CDH8: variants seen among roughly 807,000 people sequenced by gnomAD.
CDH8 encodes the protein cadherin 8.
Under a neutral mutation model 68.1 loss-of-function variants are expected in CDH8, and 17 were observed. That is an observed-to-expected ratio of 0.25 (90% CI 0.17 to 0.37). The LOEUF (loss-of-function observed/expected upper bound fraction) is 0.37, where lower values mean the gene tolerates loss of function less well. Ranked by LOEUF, CDH8 falls within the 10% of genes least tolerant of loss-of-function variation. The pLI is 1.00. For missense variants in CDH8, 763 were observed against 999.3 expected, an observed-to-expected ratio of 0.76 and a Z score of 3.19; for synonymous variants, 372 against 365.1, an observed-to-expected ratio of 1.02 and a Z score of -0.21.
At chr16:61,932,214 AAAAAAAAAG>A (rs1964554816) in intron 2 of CDH8, among the ~76,000 whole-genome samples, 1 of 149,398 alleles carries the variant, frequency 6.7e-6, no homozygotes, top group Non-Finnish European at 1.5e-5. Flanking sequence ...TCTCAAAAAA[AAAAAAAAAG>A]AAAAGAAAAG....
chr16:61,919,509 A>T (rs7206566), intron 2 of CDH8, among the ~76,000 whole-genome samples: 1 of 135,084 alleles, frequency 7.4e-6, no homozygotes, highest in Admixed American at 7.7e-5. Flanking sequence ...CGAGAACTAC[A>T]TGAAGAATGC....
intron 4 of CDH8, among the ~76,000 whole-genome samples, chr16:61,849,390 T>C (rs1299489584): frequency 2.0e-5 from 3 of 152,102 alleles, no homozygotes; most frequent in African/African-American, 7.2e-5. Flanking sequence ...AAACCACTCT[T>C]TGGCTTCCTC....
chr16:61,763,926 T>C (rs721468), intron 8 of CDH8, among the ~76,000 whole-genome samples: 26,299 of 152,112 alleles, frequency 0.17, 2,278 homozygotes, highest in Middle Eastern at 0.26. Context: ...TCATTAATAA[T>C]AGTTAACAAT....
rs567788229 is a variant in CDH8, at chr16:61,830,619, T to C, written c.668-5440A>G. ...AATGGCCAAGCAGCAGTAGTGTCCA[T>C]GTCCCTAGCATGCTTACAGTCACAC... On this transcript the variant is annotated intron_variant, in intron 4 of 11. Transcript: ENST00000577390. Among the ~76,000 whole-genome samples the C allele has an allele frequency of 1.1e-3, 168 of 151,916 alleles. 1 individual carries two copies. The highest frequency in any genetic ancestry group is 1.8e-3 in the Non-Finnish European group (125 of 67,866).
chr16:61,701,903 T>G (rs1407792595), intron 10 of CDH8, among the ~76,000 whole-genome samples: 3 of 152,262 alleles, frequency 2.0e-5, no homozygotes, highest in Non-Finnish European at 4.4e-5. Flanking sequence ...TTCAAGACTT[T>G]GGCCATATGT....
rs186634648 is a variant in CDH8, at chr16:61,976,694, G to A, written c.252+44458C>T. On this transcript the variant is annotated intron_variant, in intron 2 of 11. Transcript: ENST00000577390. Reference sequence around the variant, plus strand: ...TCCAGAAAGAAACAGTATTAAGAAGGACAGTTTATAATTTGGTGATAATTA... The same window carrying A: ...TCCAGAAAGAAACAGTATTAAGAAGAACAGTTTATAATTTGGTGATAATTA... Among the ~76,000 whole-genome samples the A allele has an allele frequency of 7.9e-5, 12 of 152,244 alleles. No individual in the cohort carries two copies. In the East Asian group the frequency reaches 2.1e-3, roughly 27 times the overall value.
chr16:61,881,605 A>G (rs1020501932), intron 3 of CDH8, among the ~76,000 whole-genome samples: 3 of 152,256 alleles, frequency 2.0e-5, no homozygotes, highest in Non-Finnish European at 2.9e-5. Context: ...AAGGTAAATC[A>G]GGATAAACTA....
intron 10 of CDH8, among the ~76,000 whole-genome samples, chr16:61,669,626 T>C (rs1165174206): frequency 6.6e-6 from 1 of 152,050 alleles, no homozygotes; most frequent in Admixed American, 6.6e-5. Flanking sequence ...AAAATATCAG[T>C]CAGTTGATGG....
chr16:61,938,091 G>A (rs140121819), intron 2 of CDH8: 53 of 152,220 alleles, frequency 3.5e-4, no homozygotes, highest in African/African-American at 1.3e-3. Flanking sequence ...TTCATGTTGA[G>A]TCATCAGGAT....
At chr16:61,825,863 A>G (rs1962319524) in intron 4 of CDH8, among the ~76,000 whole-genome samples, 1 of 151,926 alleles carries the variant, frequency 6.6e-6, no homozygotes, top group Non-Finnish European at 1.5e-5. Context: ...ATACGATAAA[A>G]TTATCACTGC....
chr16:61,670,332 G>C (rs1963765889), intron 10 of CDH8, among the ~76,000 whole-genome samples: 3 of 152,034 alleles, frequency 2.0e-5, no homozygotes, highest in Admixed American at 6.6e-5. Context: ...ATGTAAAGTA[G>C]ATATAATGGT....
chr16:61,867,105 G>A (rs1963270415), intron 3 of CDH8, among the ~76,000 whole-genome samples: 2 of 152,112 alleles, frequency 1.3e-5, no homozygotes, highest in African/African-American at 4.8e-5. Flanking sequence ...CTGAGCTACT[G>A]AGGAATGAGA....
At chr16:61,894,134 A>C (rs748876036) in intron 3 of CDH8, among the ~76,000 whole-genome samples, 1 of 152,192 alleles carries the variant, frequency 6.6e-6, no homozygotes, top group African/African-American at 2.4e-5. Flanking sequence ...AATTATTGTC[A>C]CCAATTATGG....
intron 2 of CDH8, among the ~76,000 whole-genome samples, chr16:61,924,745 T>C (rs2143429918): frequency 6.6e-6 from 1 of 152,308 alleles, no homozygotes; most frequent in African/African-American, 2.4e-5. Context: ...CTTTAGTTAC[T>C]GCAATTCTAA....
At position 62,017,848 on chromosome 16, in the gene CDH8, A is replaced by AC. The variant is rs545139893; in HGVS notation, c.252+3303dup. Among the ~76,000 whole-genome samples, 543 of 151,198 alleles carry AC rather than the reference A, an allele frequency of 3.6e-3. 4 individuals carry two copies. The highest frequency in any genetic ancestry group is 0.012 in the African/African-American group (514 of 41,136). The stretch of plus-strand genomic sequence containing the variant: ...TGGGGCACTTCACTTCCCACCCCAC[A>AC]CCCCCGGGCCAGTGACTCTTCAAGA... On this transcript the variant is annotated intron_variant, in intron 2 of 11. Coordinates refer to ENST00000577390, the MANE Select transcript of CDH8 (RefSeq NM_001796.5).
chr16:61,809,078 C>T (rs1204068791), intron 7 of CDH8, among the ~76,000 whole-genome samples: 5 of 151,752 alleles, frequency 3.3e-5, no homozygotes, highest in South Asian at 2.1e-4. Context: ...CCCAGTTACT[C>T]GGGAAGCTGA....
chr16:61,768,897 T>C (rs966160893), intron 8 of CDH8, among the ~76,000 whole-genome samples: 1 of 151,784 alleles, frequency 6.6e-6, no homozygotes, highest in Non-Finnish European at 1.5e-5. Flanking sequence ...AAGGCATCAG[T>C]TCTCAAACAA....
rs140764781 is a variant in CDH8, at chr16:61,905,782, A to C, written c.253-4309T>G. Among the ~76,000 whole-genome samples, 709 of 152,236 alleles carry C rather than the reference A, an allele frequency of 4.7e-3. 5 individuals are homozygous for C. Among genetic ancestry groups the C allele is most frequent in the African/African-American group, 0.016 (685 of 41,556 alleles). On this transcript the variant is annotated intron_variant, in intron 2 of 11. Coordinates refer to ENST00000577390, the MANE Select transcript of CDH8 (RefSeq NM_001796.5). Reference sequence around the variant, plus strand: ...ACAGAAAGTCCACCCCAAAGAAGTAATGATTAAAACTTCAGGGGCAGGAGA... The same window carrying C: ...ACAGAAAGTCCACCCCAAAGAAGTACTGATTAAAACTTCAGGGGCAGGAGA...
chr16:61,867,525 G>GA (rs1963279372), intron 3 of CDH8, among the ~76,000 whole-genome samples: 1 of 152,104 alleles, frequency 6.6e-6, no homozygotes, highest in Admixed American at 6.6e-5. Context: ...AAATCAGGCA[G>GA]AAAAAGATAA....
Sources: gnomAD v4.1 joint callset for allele counts (sites outside exome capture counted in the v4.1 genomes callset) on GRCh38, gnomAD v4.1.1 for gene constraint, MANE v1.5 for transcripts, NCBI Gene and HGNC (gene_info 2026-07-23, HGNC 2026-07-21) for gene names.